The following SLC12A7 variants were observed in gnomAD, a reference collection of about 807,000 sequenced individuals.
SLC12A7 encodes the protein solute carrier family 12 member 7, also known as K-Cl cotransporter 4.
Under a neutral mutation model 120.6 loss-of-function variants are expected in SLC12A7, and 100 were observed. The ratio of observed to expected loss-of-function variants is 0.83; its 90% CI spans 0.71 to 0.98. SLC12A7 has a LOEUF of 0.98. SLC12A7 is among the 50% of genes least tolerant of loss of function. SLC12A7 has a pLI of 0.00. For synonymous variants in SLC12A7, 760 were observed against 678.0 expected, an observed-to-expected ratio of 1.12 and a Z score of -1.88; for missense variants, 1,373 against 1,548.1, an observed-to-expected ratio of 0.89 and a Z score of 1.90.
the SLC12A7 span, among the ~76,000 whole-genome samples, chr5:1,139,425 G>A: frequency 2.0e-5 from 3 of 152,258 alleles, no homozygotes; most frequent in African/African-American, 4.8e-5. Context: ...ACCAAGAGGC[G>A]GCTCAGCCTG....
intron 17 of SLC12A7, 48 bp downstream of exon 17, chr5:1,073,585 C>T (rs763641421): frequency 6.4e-7 from 1 of 1,555,996 alleles, no homozygotes; most frequent in Non-Finnish European, 8.7e-7. Flanking sequence ...GTTTCCTGTG[C>T]AGCTGGGGTG....
In SLC12A7 at chr5:1,053,318, C is replaced by T. The variant is rs41280361; in HGVS notation, c.3160+31G>A. 7.6e-3 allele frequency: 12,151 copies of T among 1,606,148 alleles called. 64 individuals are homozygous for T. Among genetic ancestry groups the T allele is most frequent in the Middle Eastern group, 0.015 (93 of 6,012 alleles). On this transcript the variant is annotated intron_variant, in intron 23 of 23. Coordinates refer to ENST00000264930, the MANE Select transcript of SLC12A7 (RefSeq NM_006598.3). ...GAGAAGCCACCAGGGGGTGCCCGCACGCTCAGCAGGCACACTGCAAGAAAG... is the reference window on the plus strand; with the variant it reads ...GAGAAGCCACCAGGGGGTGCCCGCATGCTCAGCAGGCACACTGCAAGAAAG...
chr5:1,148,081 C>T, the SLC12A7 span, among the ~76,000 whole-genome samples: 1 of 152,158 alleles, frequency 6.6e-6, no homozygotes, highest in African/African-American at 2.4e-5. Flanking sequence ...CTGCCTCAGG[C>T]ACAGGCTCTC....
the SLC12A7 span, among the ~76,000 whole-genome samples, chr5:1,128,867 G>A: frequency 3.3e-5 from 5 of 152,206 alleles, no homozygotes; most frequent in Non-Finnish European, 5.9e-5. Context: ...CACACATGCA[G>A]AAACCAGACC....
At position 1,056,518 on chromosome 5, in the gene SLC12A7, A is replaced by G. The variant is rs902418770; in HGVS notation, c.3026+953T>C. Reference sequence around the variant, plus strand: ...ACGCGCACAGACACACGCAGGCCACACACACACAGGCATGCAGGGCAACCG... The same window carrying G: ...ACGCGCACAGACACACGCAGGCCACGCACACACAGGCATGCAGGGCAACCG... On this transcript the variant is annotated intron_variant, in intron 22 of 23. Transcript: ENST00000264930. The G allele has an allele frequency of 2.4e-5, 21 of 879,504 alleles. No homozygotes were observed. The African/African-American group carries it at 3.6e-4, about 15-fold the overall frequency. 54.5% of individuals were successfully genotyped at this position (879,504 alleles called of 1,614,324 possible). A position where few individuals can be genotyped will look rare whatever the true frequency, so the allele number is the denominator to read the frequency against.
chr5:1,152,716 C>G, the SLC12A7 span, among the ~76,000 whole-genome samples: 1 of 152,174 alleles, frequency 6.6e-6, no homozygotes, highest in African/African-American at 2.4e-5. Flanking sequence ...CGACACACCC[C>G]AGCCATTCTC....
the SLC12A7 span, among the ~76,000 whole-genome samples, chr5:1,151,435 C>T: frequency 6.6e-5 from 10 of 152,318 alleles, no homozygotes; most frequent in South Asian, 2.1e-3. This position sits in a 1 kb window ranked among gnomAD's most constrained non-coding sequence, Gnocchi z 6.2. Context: ...GGGAGGGTTC[C>T]TTTGGCCTCC....
chr5:1,110,791 G>A (rs929873561), intron 1 of SLC12A7, among the ~76,000 whole-genome samples: 1 of 152,230 alleles, frequency 6.6e-6, no homozygotes, highest in Admixed American at 6.5e-5. Context: ...CCTCTGTGCA[G>A]AGGAAGCTGA....
At chr5:1,135,660 G>A in the SLC12A7 span, among the ~76,000 whole-genome samples, 2 of 152,336 alleles carry the variant, frequency 1.3e-5, no homozygotes, top group Admixed American at 1.3e-4. Context: ...GATGCCACAC[G>A]CAGCTTCAGG....
rs1420753354 is a variant in SLC12A7, at chr5:1,065,184, A to G, written c.2437+99T>C. On this transcript the variant is annotated intron_variant, in intron 18 of 23. Coordinates refer to ENST00000264930, the MANE Select transcript of SLC12A7 (RefSeq NM_006598.3). Reference sequence around the variant, plus strand: ...AAAAGGGGACAGTGAGAGGACAGCGAGGGGACACTGAGGAGACACACAGGG... The same window carrying G: ...AAAAGGGGACAGTGAGAGGACAGCGGGGGGACACTGAGGAGACACACAGGG... The G allele has an allele frequency of 2.3e-5, 6 of 257,160 alleles. No individual in the cohort carries two copies. In the African/African-American group the frequency reaches 5.5e-4, roughly 24 times the overall value. The allele number at this position is 257,160 out of a possible 1,614,324, so 15.9% of individuals were successfully genotyped here.
intron 1 of SLC12A7, among the ~76,000 whole-genome samples, chr5:1,094,827 G>A (rs888617062): frequency 6.6e-6 from 1 of 152,198 alleles, no homozygotes; most frequent in South Asian, 2.1e-4. Flanking sequence ...CCCCTCCTGA[G>A]TCTTTCAGGA....
At chr5:1,134,852 G>A in the SLC12A7 span, among the ~76,000 whole-genome samples, 2 of 152,124 alleles carry the variant, frequency 1.3e-5, no homozygotes, top group Non-Finnish European at 2.9e-5. Flanking sequence ...AGAAGGGCAC[G>A]GCCAGGCGCG....
intron 21 of SLC12A7, among the ~76,000 whole-genome samples, chr5:1,058,291 G>A (rs992442496): frequency 2.0e-5 from 3 of 152,258 alleles, no homozygotes; most frequent in Admixed American, 1.3e-4. Context: ...CACCAATGGC[G>A]CAGCCCCTGG....
In SLC12A7 at chr5:1,054,550, G is replaced by A. The variant is rs144910892; in HGVS notation, c.3027-1068C>T. ...TTGCGTTTCTGTGTTGGAAAAACCC[G>A]GCCCGTGTGTGGACTTGAAAGTCGG... On this transcript the variant is annotated intron_variant, in intron 22 of 23. Transcript: ENST00000264930. Among the ~76,000 whole-genome samples the A allele has an allele frequency of 2.3e-3, 345 of 152,344 alleles. 2 individuals are homozygous for A. The highest frequency in any genetic ancestry group is 7.9e-3 in the African/African-American group (329 of 41,590).
chr5:1,095,055 C>CGGGAGGAGGCGGGGG (rs1740983220), intron 1 of SLC12A7, among the ~76,000 whole-genome samples: 1 of 68,952 alleles, frequency 1.5e-5, no homozygotes. Context: ...GGAGGCGGGG[C>CGGGAGGAGGCGGGGG]CGGTAGGAGG....
intron 3 of SLC12A7, 115 bp downstream of exon 3, chr5:1,093,418 A>G: frequency 9.2e-7 from 1 of 1,084,494 alleles, no homozygotes; most frequent in Non-Finnish European, 1.3e-6. Flanking sequence ...GGACGTGGCC[A>G]TGATACCAGA....
intron 22 of SLC12A7, 84 bp downstream of exon 22, chr5:1,057,387 T>A: frequency 1.4e-6 from 2 of 1,400,446 alleles, no homozygotes; most frequent in Non-Finnish European, 1.9e-6. Context: ...AGCTCTTCAG[T>A]GGTCAGGGAA....
the SLC12A7 span, among the ~76,000 whole-genome samples, chr5:1,152,591 C>CCCCCAAGCTAGAGAAGGGAGAA: frequency 6.6e-6 from 1 of 152,028 alleles, no homozygotes; most frequent in South Asian, 2.1e-4. Context: ...AGAAGGGAGT[C>CCCCCAAGCTAGAGAAGGGAGAA]CCCCAAGCTA....
In SLC12A7 at chr5:1,051,116, GACC is replaced by G. The variant is rs1241793228; in HGVS notation, c.*1241_*1243del. 2.5e-6 allele frequency: 1 copy of G among 395,288 alleles called. No individual in the cohort carries two copies. Among genetic ancestry groups the G allele is most frequent in the African/African-American group, 2.1e-5 (1 of 48,588 alleles). The allele number at this position is 395,288 out of a possible 1,614,324, so 24.5% of individuals were successfully genotyped here. A position where few individuals can be genotyped will look rare whatever the true frequency, so the allele number is the denominator to read the frequency against. ...GCCACTGCCCGCAGCCTGCAAATGTGACCACAACCTACAAAGCAGAAACTCACA... is the reference window on the plus strand; with the variant it reads ...GCCACTGCCCGCAGCCTGCAAATGTGACAACCTACAAAGCAGAAACTCACA... On this transcript the variant is annotated 3_prime_UTR_variant, in exon 24 of 24. Coordinates refer to ENST00000264930, the MANE Select transcript of SLC12A7 (RefSeq NM_006598.3).
Sources: gnomAD v4.1 joint callset for allele counts (sites outside exome capture counted in the v4.1 genomes callset) on GRCh38, gnomAD v4.1.1 for gene constraint, Gnocchi (gnomAD v3.1) non-coding constraint, MANE v1.5 for transcripts, NCBI Gene and HGNC (gene_info 2026-07-23, HGNC 2026-07-21) for gene names.